Variants in ARHGAP44 observed in about 807,000 individuals in gnomAD.
The protein encoded by ARHGAP44 is rho GTPase-activating protein 44.
A neutral mutation model predicts 106.8 loss-of-function variants in ARHGAP44; 43 were observed. The ratio of observed to expected loss-of-function variants is 0.40; its 90% CI spans 0.32 to 0.52. The LOEUF (loss-of-function observed/expected upper bound fraction) is 0.52, where lower values mean the gene tolerates loss of function less well. Among genes scored for constraint, ARHGAP44 ranks in the 20% least tolerant of loss-of-function variants. The pLI, the probability that ARHGAP44 is intolerant of heterozygous loss-of-function variation, is 0.48. For missense variants in ARHGAP44, 866 were observed against 1,050.5 expected, an observed-to-expected ratio of 0.82 and a Z score of 2.43; for synonymous variants, 439 against 410.3, an observed-to-expected ratio of 1.07 and a Z score of -0.85.
intron 1 of ARHGAP44, among the ~76,000 whole-genome samples, chr17:12,850,239 C>G (rs2035698701): frequency 6.6e-6 from 1 of 152,204 alleles, no homozygotes; most frequent in South Asian, 2.1e-4. Flanking sequence ...ATTCAACCCA[C>G]AGCTGGCTGA....
chr17:12,827,558 T>A lies in ARHGAP44; in HGVS notation c.53+37667T>A, dbSNP rs554160987. ...AATGATGGAATAGTAATATATTCAATATAACAATAACCTTTCAATTTTATT... is the reference window on the plus strand; with the variant it reads ...AATGATGGAATAGTAATATATTCAAAATAACAATAACCTTTCAATTTTATT... On this transcript the variant is annotated intron_variant, in intron 1 of 20. Transcript: ENST00000379672. 7.2e-5 allele frequency among the ~76,000 whole-genome samples: 11 copies of A among 152,304 alleles called. No individual in the cohort carries two copies. In the East Asian group the frequency reaches 1.7e-3, roughly 24 times the overall value.
chr17:12,874,542 A>G (rs971474023), intron 1 of ARHGAP44, among the ~76,000 whole-genome samples: 1 of 151,982 alleles, frequency 6.6e-6, no homozygotes, highest in East Asian at 1.9e-4. Flanking sequence ...ACTAGTCTGG[A>G]CAACATGGTG....
Position 12,919,831 on chromosome 17 carries a change from G to C in ARHGAP44, c.464G>C (p.Arg155Thr). Residue 155 changes from arginine to threonine, a missense_variant and splice_region_variant, in exon 6 of 21, where the codon AGG (arginine) becomes ACG (threonine). By Grantham distance (71) the Arg-to-Thr change is moderately conservative. Coordinates refer to ENST00000379672, the MANE Select transcript of ARHGAP44 (RefSeq NM_014859.6). ...LVLDMDSSRT[R>T]WQQTSKSSGL... is the part of the protein sequence containing the mutation. ...CTGGACATGGATTCCTCACGAACCA[G>C]GTAGAATCTCTTTACTTTCTTTTTT... The C allele has an allele frequency of 6.2e-7, 1 of 1,611,358 alleles. No homozygotes were observed. The highest frequency in any genetic ancestry group is 8.5e-7 in the Non-Finnish European group (1 of 1,178,802).
At chr17:12,874,261 G>A (rs924533550) in intron 1 of ARHGAP44, among the ~76,000 whole-genome samples, 1 of 152,218 alleles carries the variant, frequency 6.6e-6, no homozygotes, top group African/African-American at 2.4e-5. Context: ...TTCTGTTTTT[G>A]TCTCATGGCT....
chr17:12,911,215 G>A (rs2037727252), intron 4 of ARHGAP44, among the ~76,000 whole-genome samples: 1 of 152,094 alleles, frequency 6.6e-6, no homozygotes, highest in African/African-American at 2.4e-5. Context: ...GTATTTCCAA[G>A]AGTCATGCCT....
chr17:12,928,852 G>A, intron 6 of ARHGAP44, 77 bp from the exon 7 acceptor site: 1 of 1,282,570 alleles, frequency 7.8e-7, no homozygotes, highest in Admixed American at 2.1e-5. Flanking sequence ...TTTGTAACCA[G>A]ATGTTTTCTC....
intron 1 of ARHGAP44, among the ~76,000 whole-genome samples, chr17:12,794,489 A>G (rs761899759): frequency 6.6e-5 from 10 of 152,214 alleles, no homozygotes; most frequent in Admixed American, 1.3e-4. Context: ...AACGATTTCA[A>G]CAGCTACTGC....
At chr17:12,866,057 G>C (rs776038308) in intron 1 of ARHGAP44, among the ~76,000 whole-genome samples, 2 of 152,094 alleles carry the variant, frequency 1.3e-5, no homozygotes, top group Non-Finnish European at 2.9e-5. Context: ...TGGGAGTTGG[G>C]GGTGGAAGAC....
At chr17:12,926,645 G>A (rs2038256449) in intron 6 of ARHGAP44, among the ~76,000 whole-genome samples, 2 of 150,184 alleles carry the variant, frequency 1.3e-5, no homozygotes, top group Non-Finnish European at 3.0e-5. Context: ...AAAATCTGGA[G>A]GAAAAAATAG....
rs562348430 is a variant in ARHGAP44, at chr17:12,790,609, G to C, written c.53+718G>C. On this transcript the variant is annotated intron_variant, in intron 1 of 20. Transcript: ENST00000379672. The stretch of plus-strand genomic sequence containing the variant: ...TAAGCAGAGAATCGCAGCCAGGTAG[G>C]GGAGGGGGACAGAGGCCCCACAGTC... 1.2e-4 allele frequency: 19 copies of C among 152,676 alleles called. No homozygotes were observed. The East Asian group carries it at 3.5e-3, about 28-fold the overall frequency. The allele number at this position is 152,676 out of a possible 1,614,324, so 9.5% of individuals were successfully genotyped here.
At chr17:12,875,011 T>C (rs1444909887) in intron 1 of ARHGAP44, among the ~76,000 whole-genome samples, 2 of 152,000 alleles carry the variant, frequency 1.3e-5, no homozygotes, top group African/African-American at 4.8e-5. Context: ...ATTGAAGAGA[T>C]GAGTTTGTTA....
intron 1 of ARHGAP44, among the ~76,000 whole-genome samples, chr17:12,876,870 C>CA (rs1230585930): frequency 6.8e-6 from 1 of 147,014 alleles, no homozygotes; most frequent in Non-Finnish European, 1.5e-5. Context: ...GAGACTGTGC[C>CA]ACTGCACTCC....
intron 1 of ARHGAP44, among the ~76,000 whole-genome samples, chr17:12,894,262 A>ACGTG: frequency 6.9e-6 from 1 of 145,636 alleles, no homozygotes; most frequent in East Asian, 2.0e-4. Flanking sequence ...GTGTGTGTGC[A>ACGTG]CGTGCGTGCG....
chr17:12,855,255 TAAAC>T (rs570282606), intron 1 of ARHGAP44, among the ~76,000 whole-genome samples: 4 of 152,080 alleles, frequency 2.6e-5, no homozygotes, highest in African/African-American at 7.2e-5. Context: ...AATAAATAAA[TAAAC>T]AAACAAACAA....
intron 1 of ARHGAP44, among the ~76,000 whole-genome samples, chr17:12,882,134 T>C (rs970098939): frequency 2.0e-5 from 3 of 152,206 alleles, no homozygotes; most frequent in African/African-American, 7.2e-5. Flanking sequence ...ATATATACAC[T>C]GTATCTCTCC....
At chr17:12,952,460 G>T in intron 12 of ARHGAP44, 41 bp from the exon 13 acceptor site, 1 of 1,443,016 alleles carries the variant, frequency 6.9e-7, no homozygotes, top group Non-Finnish European at 9.5e-7. Context: ...AGACTTTATT[G>T]ATTCGTGCTC....
At chr17:12,908,009 A>T (rs1277043335) in intron 3 of ARHGAP44, among the ~76,000 whole-genome samples, 1 of 151,752 alleles carries the variant, frequency 6.6e-6, no homozygotes, top group Admixed American at 6.6e-5. Context: ...CATCTTAGTG[A>T]GTGTAAAGTG....
chr17:12,795,926 A>G (rs971919892), intron 1 of ARHGAP44, among the ~76,000 whole-genome samples: 1 of 152,124 alleles, frequency 6.6e-6, no homozygotes, highest in East Asian at 1.9e-4. Context: ...TTCCAACTTT[A>G]GAGCTTATTT....
intron 1 of ARHGAP44, among the ~76,000 whole-genome samples, chr17:12,876,491 T>C (rs2036559542): frequency 1.3e-5 from 2 of 152,078 alleles, no homozygotes; most frequent in African/African-American, 4.8e-5. Flanking sequence ...AGTGATACAA[T>C]ACTTGTAAAG....
Sources: gnomAD v4.1 joint callset for allele counts (sites outside exome capture counted in the v4.1 genomes callset) on GRCh38, gnomAD v4.1.1 for gene constraint, MANE v1.5 for transcripts, NCBI Gene and HGNC (gene_info 2026-07-23, HGNC 2026-07-21) for gene names.